NR6A1: variants seen among roughly 807,000 people sequenced by gnomAD.
NR6A1 encodes the protein retinoic acid receptor-related testis-associated receptor.
Under a neutral mutation model 59.1 loss-of-function variants are expected in NR6A1, and 7 were observed. The observed-to-expected ratio is 0.12, with a 90% CI of 0.07 to 0.22. NR6A1 has a LOEUF of 0.22. NR6A1 is among the 10% of genes least tolerant of loss of function. NR6A1 has a pLI of 1.00. For missense variants in NR6A1, 468 were observed against 611.6 expected (o/e 0.77, Z 2.48); for synonymous variants, 243 against 236.1 (o/e 1.03, Z -0.27).
At chr9:124,572,988 A>G (rs554256205) in intron 2 of NR6A1, among the ~76,000 whole-genome samples, 35 of 152,350 alleles carry the variant, frequency 2.3e-4, no homozygotes, top group Non-Finnish European at 3.7e-4. Flanking sequence ...ACGAGACTTC[A>G]TGGTCTTTGC....
intron 1 of NR6A1, among the ~76,000 whole-genome samples, chr9:124,762,593 T>C (rs1166722708): frequency 2.6e-5 from 4 of 152,188 alleles, no homozygotes; most frequent in Non-Finnish European, 4.4e-5. Flanking sequence ...CTCAATTAAG[T>C]GGTACTTTCT....
At chr9:124,662,540 T>A (rs947230779) in intron 2 of NR6A1, among the ~76,000 whole-genome samples, 5 of 151,604 alleles carry the variant, frequency 3.3e-5, no homozygotes, top group Non-Finnish European at 7.4e-5. Context: ...CAAAAAAGAG[T>A]AGCTATTATT....
chr9:124,766,148 A>G (rs1298180598), intron 1 of NR6A1, among the ~76,000 whole-genome samples: 1 of 152,254 alleles, frequency 6.6e-6, no homozygotes. Context: ...CCAAGAAAGA[A>G]TTACCTGCTC....
Position 124,771,133 on chromosome 9 carries a change from G to A in NR6A1, c.-14C>T, listed in dbSNP as rs1378611578. The A allele has an allele frequency of 8.2e-7, 1 of 1,218,094 alleles. No homozygotes were observed. The highest frequency in any genetic ancestry group is 1.0e-6 in the Non-Finnish European group (1 of 975,364). The allele number at this position is 1,218,094 out of a possible 1,614,324, so 75.5% of individuals were successfully genotyped here. On this transcript the variant is annotated 5_prime_UTR_variant, in exon 1 of 10. Coordinates refer to ENST00000487099, the MANE Select transcript of NR6A1 (RefSeq NM_033334.4). ...GTCCCGCTCCATGCGGTGGTGCCTAGGGTCCGCGCCGGGTTTGTTGCTCCG... is the reference window on the plus strand; with the variant it reads ...GTCCCGCTCCATGCGGTGGTGCCTAAGGTCCGCGCCGGGTTTGTTGCTCCG...
intron 2 of NR6A1, among the ~76,000 whole-genome samples, chr9:124,675,914 G>A (rs1837944109): frequency 6.6e-6 from 1 of 152,210 alleles, no homozygotes; most frequent in African/African-American, 2.4e-5. Flanking sequence ...GCCGGTACGT[G>A]TAGGTGTAAT....
intron 2 of NR6A1, among the ~76,000 whole-genome samples, chr9:124,576,390 C>T (rs1324906422): frequency 1.3e-5 from 2 of 152,168 alleles, no homozygotes; most frequent in South Asian, 2.1e-4. Flanking sequence ...CGGGTTCAAG[C>T]GATTCTCCTG....
At chr9:124,683,223 G>T (rs961914344) in intron 2 of NR6A1, among the ~76,000 whole-genome samples, 5 of 146,720 alleles carry the variant, frequency 3.4e-5, no homozygotes, top group Admixed American at 2.0e-4. Context: ...AAGAAAGGAA[G>T]GGAAAGGGAA....
chr9:124,713,619 G>C (rs1357633187), intron 2 of NR6A1, among the ~76,000 whole-genome samples: 1 of 152,096 alleles, frequency 6.6e-6, no homozygotes, highest in African/African-American at 2.4e-5. Flanking sequence ...ACACACAAAT[G>C]GTCAATAAGC....
chr9:124,565,859 T>C (rs996027405), intron 2 of NR6A1, among the ~76,000 whole-genome samples: 2 of 152,220 alleles, frequency 1.3e-5, no homozygotes, highest in African/African-American at 2.4e-5. Flanking sequence ...ATTTCATATA[T>C]TGTTGGTAGG....
intron 2 of NR6A1, among the ~76,000 whole-genome samples, chr9:124,603,339 T>C (rs1486997088): frequency 6.6e-6 from 1 of 152,184 alleles, no homozygotes; most frequent in African/African-American, 2.4e-5. Context: ...AATTTCTTAA[T>C]AGTGCATTCA....
intron 1 of NR6A1, among the ~76,000 whole-genome samples, chr9:124,737,056 A>G (rs1366086475): frequency 2.0e-5 from 3 of 152,158 alleles, no homozygotes; most frequent in African/African-American, 7.2e-5. Context: ...GAACCCTAAT[A>G]TCACTAATGT....
chr9:124,576,562 T>C (rs954571628), intron 2 of NR6A1, among the ~76,000 whole-genome samples: 1 of 152,072 alleles, frequency 6.6e-6, no homozygotes, highest in Admixed American at 6.6e-5. Context: ...GCTGGGATTA[T>C]AGGCGTGAAC....
At chr9:124,636,970 C>G (rs1162531485) in intron 2 of NR6A1, among the ~76,000 whole-genome samples, 2 of 152,146 alleles carry the variant, frequency 1.3e-5, no homozygotes, top group Non-Finnish European at 1.5e-5. Context: ...GGTCACTTTC[C>G]TCTAGAATCT....
At chr9:124,602,193 T>C (rs1433232508) in intron 2 of NR6A1, among the ~76,000 whole-genome samples, 4 of 152,176 alleles carry the variant, frequency 2.6e-5, no homozygotes, top group African/African-American at 9.7e-5. Flanking sequence ...TTTTAAAGTA[T>C]CCCAATCAAG....
chr9:124,754,614 A>G (rs867124965), intron 1 of NR6A1, among the ~76,000 whole-genome samples: 1 of 152,150 alleles, frequency 6.6e-6, no homozygotes, highest in Non-Finnish European at 1.5e-5. Context: ...AATGGTGGGG[A>G]GCATTTAAGA....
chr9:124,618,847 T>C (rs888753519), intron 2 of NR6A1, among the ~76,000 whole-genome samples: 2 of 152,120 alleles, frequency 1.3e-5, no homozygotes, highest in African/African-American at 2.4e-5. Context: ...TTGGTGAGAA[T>C]AGGAAAGCAG....
At chr9:124,584,102 T>C (rs181065050) in intron 2 of NR6A1, among the ~76,000 whole-genome samples, 1 of 151,210 alleles carries the variant, frequency 6.6e-6, no homozygotes, top group African/African-American at 2.4e-5. Flanking sequence ...TTGGCTTTTT[T>C]TTTTTTTTTT....
At chr9:124,613,921 C>G (rs1484424244) in intron 2 of NR6A1, among the ~76,000 whole-genome samples, 1 of 152,164 alleles carries the variant, frequency 6.6e-6, no homozygotes, top group Non-Finnish European at 1.5e-5. Flanking sequence ...GGTCACCTGG[C>G]TGGGGCAACT....
At chr9:124,715,704 T>A in intron 2 of NR6A1, among the ~76,000 whole-genome samples, 1 of 150,656 alleles carries the variant, frequency 6.6e-6, no homozygotes, top group African/African-American at 2.4e-5. Context: ...TATACGGAAG[T>A]GGGGAGAAAA....
Sources: gnomAD v4.1 joint callset for allele counts (sites outside exome capture counted in the v4.1 genomes callset) on GRCh38, gnomAD v4.1.1 for gene constraint, MANE v1.5 for transcripts, NCBI Gene and HGNC (gene_info 2026-07-23, HGNC 2026-07-21) for gene names.